Variants in GPAT4 observed in about 807,000 individuals in gnomAD.
The protein encoded by GPAT4 is glycerol-3-phosphate acyltransferase 4.
A neutral mutation model predicts 58.0 loss-of-function variants in GPAT4; 17 were observed. That is an observed-to-expected ratio of 0.29 (90% CI 0.20 to 0.44). GPAT4 has a LOEUF of 0.44. GPAT4 is among the 20% of genes least tolerant of loss of function. The probability of loss-of-function intolerance (pLI) is 1.00; values close to 1 mark genes in which losing one functional copy is unlikely to be tolerated. For missense variants in GPAT4, 377 were observed against 574.5 expected, an observed-to-expected ratio of 0.66 and a Z score of 3.51; for synonymous variants, 204 against 210.1, an observed-to-expected ratio of 0.97 and a Z score of 0.25.
chr8:41,606,109 C>A (rs551774179), intron 2 of GPAT4, among the ~76,000 whole-genome samples: 1 of 152,182 alleles, frequency 6.6e-6, no homozygotes, highest in Non-Finnish European at 1.5e-5. Flanking sequence ...TATCATAAAG[C>A]TATACATGTT....
intron 1 of GPAT4, among the ~76,000 whole-genome samples, chr8:41,581,714 C>T (rs1320038282): frequency 4.0e-5 from 6 of 150,488 alleles, no homozygotes; most frequent in South Asian, 2.1e-4. Flanking sequence ...CTGCAAGCTC[C>T]GCCTCCCGGG....
intron 10 of GPAT4, among the ~76,000 whole-genome samples, chr8:41,616,329 G>A (rs1009363843): frequency 6.6e-6 from 1 of 152,152 alleles, no homozygotes; most frequent in African/African-American, 2.4e-5. Context: ...CAGGGTCTCA[G>A]TCTGTCACCC....
At position 41,599,208 on chromosome 8, in the gene GPAT4, C is replaced by T. The variant is rs775200023; in HGVS notation, c.69C>T (p.Phe23=). The change falls in exon 2 of 13, where the codon TTC becomes TTT. Residue 23 remains phenylalanine, a synonymous_variant. Transcript: ENST00000396987. ...NLLGISLTVL[F]TLLLVFIIVP... ...TGGGCATCTCCCTGACTGTCCTCTT[C>T]ACCCTCCTTCTCGTTTTCATCATAG... 16 of 1,614,106 alleles carry T rather than the reference C, an allele frequency of 9.9e-6. No individual in the cohort carries two copies. The South Asian group carries it at 1.6e-4, about 17-fold the overall frequency.
At chr8:41,578,856 A>C (rs1281808891) in intron 1 of GPAT4, among the ~76,000 whole-genome samples, 5 of 151,990 alleles carry the variant, frequency 3.3e-5, no homozygotes, top group African/African-American at 7.3e-5. Flanking sequence ...CTCGCTTTCC[A>C]TGTCACAGAG....
intron 1 of GPAT4, among the ~76,000 whole-genome samples, chr8:41,587,812 A>G (rs914965056): frequency 4.8e-4 from 73 of 152,322 alleles, no homozygotes; most frequent in African/African-American, 1.6e-3. Flanking sequence ...CTAAGGTTAC[A>G]TACATTTAAA....
chr8:41,592,817 C>T (rs1400705439), intron 1 of GPAT4, among the ~76,000 whole-genome samples: 6 of 152,264 alleles, frequency 3.9e-5, no homozygotes, highest in African/African-American at 7.2e-5. Flanking sequence ...CCAGCCCCAT[C>T]GATTCCTAAG....
Position 41,624,728 on chromosome 8 carries a change from C to T in GPAT4, c.*3727C>T, listed in dbSNP as rs1420762408. 2 of 152,176 alleles carry T rather than the reference C, an allele frequency of 1.3e-5. No homozygotes were observed. Among genetic ancestry groups the T allele is most frequent in the African/African-American group, 4.8e-5 (2 of 41,414 alleles). 9.4% of individuals were successfully genotyped at this position (152,176 alleles called of 1,614,324 possible). On this transcript the variant is annotated 3_prime_UTR_variant, in exon 13 of 13. Transcript: ENST00000396987. ...CCGATGGGAAAGTTAATAAATTTTG[C>T]TCTAGATTAAAAGTATTGATCATTT... is the stretch of plus-strand genomic sequence containing the variant.
chr8:41,595,373 T>G (rs1292441844), intron 1 of GPAT4, among the ~76,000 whole-genome samples: 2 of 141,650 alleles, frequency 1.4e-5, no homozygotes, highest in African/African-American at 5.3e-5. Context: ...ATTTCTGAAC[T>G]GGTGAGGTAT....
intron 1 of GPAT4, among the ~76,000 whole-genome samples, chr8:41,591,421 G>A (rs1400025228): frequency 1.3e-5 from 2 of 152,186 alleles, no homozygotes; most frequent in Non-Finnish European, 1.5e-5. Context: ...ATTTTAAGGC[G>A]AAGTCAGTAG....
chr8:41,616,348 G>A (rs1803594012), intron 10 of GPAT4, among the ~76,000 whole-genome samples: 1 of 152,206 alleles, frequency 6.6e-6, no homozygotes, highest in Non-Finnish European at 1.5e-5. Context: ...CCAGGCTGGA[G>A]TGCAGTGGCA....
chr8:41,599,823 T>G (rs143791381), intron 2 of GPAT4, among the ~76,000 whole-genome samples: 8 of 152,304 alleles, frequency 5.3e-5, no homozygotes, highest in African/African-American at 1.9e-4. Flanking sequence ...TATACCAAAC[T>G]GGTCACATTG....
At chr8:41,609,976 G>A (rs772068375) in intron 4 of GPAT4, 21 bp downstream of exon 4, 7 of 1,575,312 alleles carry the variant, frequency 4.4e-6, no homozygotes, top group Non-Finnish European at 4.3e-6. Flanking sequence ...GCCTGCGGGA[G>A]TGGGGCTCGC....
At chr8:41,586,512 G>T (rs1802657857) in intron 1 of GPAT4, among the ~76,000 whole-genome samples, 1 of 152,174 alleles carries the variant, frequency 6.6e-6, no homozygotes, top group African/African-American at 2.4e-5. Flanking sequence ...CCACCAAAGT[G>T]TGAGGGTTGG....
intron 1 of GPAT4, among the ~76,000 whole-genome samples, chr8:41,581,790 G>A (rs1468828329): frequency 2.0e-5 from 3 of 150,024 alleles, no homozygotes; most frequent in East Asian, 2.0e-4. Flanking sequence ...CACCACGCCC[G>A]GCTAATTTTT....
chr8:41,618,624 G>C, intron 10 of GPAT4, 60 bp from the exon 11 acceptor site: 4 of 1,598,294 alleles, frequency 2.5e-6, no homozygotes, highest in Non-Finnish European at 1.7e-6. Flanking sequence ...CAGTCACTGT[G>C]GACTCGCAAA....
In GPAT4 at chr8:41,581,160, A is replaced by G. The variant is rs554749850; in HGVS notation, c.-849+2882A>G. Among the ~76,000 whole-genome samples the G allele has an allele frequency of 1.1e-4, 16 of 152,342 alleles. 1 individual carries two copies. The East Asian group carries it at 3.1e-3, about 29-fold the overall frequency. ...TCCATGTATCACTAAACCATGTAAT[A>G]GCGTACACTATGATTAAGGCTTTTT... On this transcript the variant is annotated intron_variant, in intron 1 of 12. Transcript: ENST00000396987.
At chr8:41,612,798 C>T (rs371678587) in intron 7 of GPAT4, 47 bp from the exon 8 acceptor site, 3 of 1,509,302 alleles carry the variant, frequency 2.0e-6, no homozygotes, top group South Asian at 2.3e-5. Flanking sequence ...TGGGGAGATT[C>T]GTGTGAAGAT....
chr8:41,594,126 A>AGGATATTTATAGGAT, intron 1 of GPAT4, among the ~76,000 whole-genome samples: 1 of 152,178 alleles, frequency 6.6e-6, no homozygotes, highest in African/African-American at 2.4e-5. Flanking sequence ...AACCTTTTAT[A>AGGATATTTATAGGAT]ATTTTTTGTT....
chr8:41,618,893 T>TA lies in GPAT4; in HGVS notation c.1183-4dup. ...CTGAGTGGTCTCATTTGTTCTTTCT[T>TA]ACAGGCAGATGAAGATGCTGTCCAG... On this transcript the variant is annotated splice_polypyrimidine_tract_variant and splice_region_variant and intron_variant, in intron 11 of 12. Coordinates refer to ENST00000396987, the MANE Select transcript of GPAT4 (RefSeq NM_178819.4). 6.2e-7 allele frequency: 1 copy of TA among 1,614,212 alleles called. No homozygotes were observed. The highest frequency in any genetic ancestry group is 8.5e-7 in the Non-Finnish European group (1 of 1,180,036).
Sources: allele counts gnomAD v4.1 joint callset (sites outside exome capture counted in the v4.1 genomes callset), GRCh38; gene constraint gnomAD v4.1.1; transcripts MANE v1.5; gene names NCBI Gene and HGNC (gene_info 2026-07-23, HGNC 2026-07-21).